The following FHIT variants were observed in gnomAD, a reference collection of about 807,000 sequenced individuals.
FHIT encodes bis(5'-adenosyl)-triphosphatase.
FHIT carries 19 observed loss-of-function variants against 17.9 expected under a neutral mutation model. That is an observed-to-expected ratio of 1.06 (90% CI 0.74 to 1.56). FHIT has a LOEUF of 1.56. Among genes scored for constraint, FHIT ranks in the 40% most tolerant of loss-of-function variants. FHIT has a pLI of 0.00. For synonymous variants in FHIT, 81 were observed against 69.7 expected (o/e 1.16, Z -0.81); for missense variants, 248 against 189.2 (o/e 1.31, Z -1.82).
intron 5 of FHIT, among the ~76,000 whole-genome samples, chr3:60,303,285 T>G (rs1036558953): frequency 6.6e-6 from 1 of 152,170 alleles, no homozygotes; most frequent in African/African-American, 2.4e-5. Flanking sequence ...TTTCACTGGT[T>G]TAGAAGAAGA....
chr3:60,802,362 C>T (rs1701222005), intron 4 of FHIT, among the ~76,000 whole-genome samples: 1 of 152,188 alleles, frequency 6.6e-6, no homozygotes, highest in East Asian at 1.9e-4. Context: ...TAATCACATG[C>T]ATCCCCTATC....
intron 5 of FHIT, 96 bp downstream of exon 5, chr3:60,536,764 G>C: frequency 7.6e-7 from 1 of 1,308,286 alleles, no homozygotes; most frequent in Non-Finnish European, 1.0e-6. Context: ...TACCTTTTTG[G>C]ACAGACTGGA....
At chr3:59,947,886 G>T (rs1706895099) in intron 7 of FHIT, among the ~76,000 whole-genome samples, 1 of 152,240 alleles carries the variant, frequency 6.6e-6, no homozygotes, top group East Asian at 1.9e-4. Flanking sequence ...CTATATAAAA[G>T]ACTCCTATAT....
At chr3:60,744,284 C>G (rs376979473) in intron 4 of FHIT, among the ~76,000 whole-genome samples, 3 of 73,640 alleles carry the variant, frequency 4.1e-5, no homozygotes, top group Admixed American at 3.5e-4. Flanking sequence ...AAAAAAAAAA[C>G]AGAAAGAAAA....
At chr3:61,048,580 A>G (rs935173684) in intron 2 of FHIT, among the ~76,000 whole-genome samples, 1 of 152,202 alleles carries the variant, frequency 6.6e-6, no homozygotes, top group Admixed American at 6.5e-5. Context: ...CAATTCCTCA[A>G]GGATCTAGAA....
chr3:61,159,404 C>A (rs1479836598), intron 2 of FHIT, among the ~76,000 whole-genome samples: 1 of 152,174 alleles, frequency 6.6e-6, no homozygotes, highest in Non-Finnish European at 1.5e-5. Flanking sequence ...ATTTCAACCC[C>A]CACCCACACC....
chr3:60,130,865 A>G (rs1324561493), intron 5 of FHIT, among the ~76,000 whole-genome samples: 1 of 145,196 alleles, frequency 6.9e-6, no homozygotes, highest in African/African-American at 2.6e-5. Context: ...ATACATGTAT[A>G]TAGACACGTA....
In FHIT at chr3:60,934,144, T is replaced by C. The variant is rs562760538; in HGVS notation, c.-111+107903A>G. The stretch of plus-strand genomic sequence containing the variant: ...CTTGACCAGAATGAAATAAGTACGT[T>C]GGTTACCCAGATGAGGCTGGGAGAG... On this transcript the variant is annotated intron_variant, in intron 3 of 9. Coordinates refer to ENST00000492590, the MANE Select transcript of FHIT (RefSeq NM_002012.4). Among the ~76,000 whole-genome samples, 38 of 152,224 alleles carry C rather than the reference T, an allele frequency of 2.5e-4. No individual in the cohort carries two copies. The South Asian group carries it at 6.0e-3, about 24-fold the overall frequency.
At chr3:61,236,337 C>A (rs1248612401) in intron 1 of FHIT, among the ~76,000 whole-genome samples, 2 of 151,166 alleles carry the variant, frequency 1.3e-5, no homozygotes, top group African/African-American at 4.9e-5. Context: ...CTGTGACCTG[C>A]CAAATGCAGC....
At chr3:59,957,555 G>A (rs1361675867) in intron 7 of FHIT, among the ~76,000 whole-genome samples, 1 of 152,216 alleles carries the variant, frequency 6.6e-6, no homozygotes, top group East Asian at 1.9e-4. Context: ...CTCAGCACAA[G>A]GTAAGTATGC....
At chr3:61,040,808 C>T (rs564648984) in intron 3 of FHIT, among the ~76,000 whole-genome samples, 1 of 152,278 alleles carries the variant, frequency 6.6e-6, no homozygotes, top group East Asian at 1.9e-4. Flanking sequence ...CAATAAGAGC[C>T]ACTTATACCT....
intron 5 of FHIT, among the ~76,000 whole-genome samples, chr3:60,247,401 GA>G (rs1705456445): frequency 6.6e-6 from 1 of 151,486 alleles, no homozygotes; most frequent in Non-Finnish European, 1.5e-5. Context: ...GACAGAAGAA[GA>G]AAGAAAGAAG....
intron 3 of FHIT, among the ~76,000 whole-genome samples, chr3:60,833,585 T>G (rs1258473955): frequency 5.3e-5 from 8 of 152,196 alleles, no homozygotes; most frequent in Admixed American, 5.2e-4. Flanking sequence ...CATTTTTTAT[T>G]TGAAATAATT....
chr3:60,981,931 T>C (rs1231999410), intron 3 of FHIT, among the ~76,000 whole-genome samples: 2 of 152,130 alleles, frequency 1.3e-5, no homozygotes, highest in Admixed American at 1.3e-4. Flanking sequence ...GAAAGACGTG[T>C]CAATTTTACC....
intron 4 of FHIT, among the ~76,000 whole-genome samples, chr3:60,753,955 T>C (rs1272913182): frequency 6.6e-6 from 1 of 152,100 alleles, no homozygotes; most frequent in Non-Finnish European, 1.5e-5. Context: ...CAGTGATTTC[T>C]GGTTGTTTAA....
At chr3:59,790,690 G>A (rs184739532) in intron 8 of FHIT, among the ~76,000 whole-genome samples, 2 of 152,096 alleles carry the variant, frequency 1.3e-5, no homozygotes, top group African/African-American at 2.4e-5. Flanking sequence ...CTCTTTTTAC[G>A]CACTTAGGAA....
At chr3:60,139,200 A>T (rs544703772) in intron 5 of FHIT, among the ~76,000 whole-genome samples, 1 of 152,320 alleles carries the variant, frequency 6.6e-6, no homozygotes, top group South Asian at 2.1e-4. Context: ...GCCTTTCAGT[A>T]CAGGAAGGCA....
intron 5 of FHIT, among the ~76,000 whole-genome samples, chr3:60,037,336 T>C (rs555746697): frequency 1.3e-5 from 2 of 152,106 alleles, no homozygotes; most frequent in South Asian, 4.2e-4. Context: ...CCAGAGTTGA[T>C]AAACAATCTA....
chr3:60,391,043 C>T (rs1701211514), intron 5 of FHIT, among the ~76,000 whole-genome samples: 1 of 151,910 alleles, frequency 6.6e-6, no homozygotes, highest in South Asian at 2.1e-4. Context: ...TAAAAATTAG[C>T]CAGGTGTGGT....
Sources: allele counts gnomAD v4.1 joint callset (sites outside exome capture counted in the v4.1 genomes callset), GRCh38; gene constraint gnomAD v4.1.1; transcripts MANE v1.5; gene names NCBI Gene and HGNC (gene_info 2026-07-23, HGNC 2026-07-21).